The following ZMYND11 variants were observed in gnomAD, a reference collection of about 807,000 sequenced individuals.
The protein encoded by ZMYND11 is zinc finger MYND domain-containing protein 11.
ZMYND11 carries 9 observed loss-of-function variants against 84.9 expected under a neutral mutation model. The ratio of observed to expected loss-of-function variants is 0.11; its 90% CI spans 0.06 to 0.18. The LOEUF (loss-of-function observed/expected upper bound fraction) is 0.18, where lower values mean the gene tolerates loss of function less well. Ranked by LOEUF, ZMYND11 falls within the 10% of genes least tolerant of loss-of-function variation. The pLI is 1.00. For missense variants in ZMYND11, 409 were observed against 761.0 expected (o/e 0.54, Z 5.44); for synonymous variants, 250 against 244.1 (o/e 1.02, Z -0.23).
At chr10:178,826 T>TCAAAA (rs1422005961) in intron 1 of ZMYND11, among the ~76,000 whole-genome samples, 1 of 152,198 alleles carries the variant, frequency 6.6e-6, no homozygotes, top group Non-Finnish European at 1.5e-5. Flanking sequence ...GACCCAGTTT[T>TCAAAA]CTCAGGTTTT....
intron 2 of ZMYND11, among the ~76,000 whole-genome samples, chr10:181,177 T>G (rs1375315160): frequency 6.6e-6 from 1 of 152,258 alleles, no homozygotes; most frequent in Non-Finnish European, 1.5e-5. Flanking sequence ...CTTTTCACAT[T>G]CTTTAGATGC....
At chr10:240,210 T>G (rs1288956446) in intron 8 of ZMYND11, 99 bp downstream of exon 8, 2 of 1,105,984 alleles carry the variant, frequency 1.8e-6, no homozygotes, top group African/African-American at 3.2e-5. Flanking sequence ...CCATTTCCTT[T>G]AAATGTCTTT....
intron 3 of ZMYND11, among the ~76,000 whole-genome samples, chr10:212,257 A>C (rs1024878472): frequency 1.4e-4 from 21 of 152,042 alleles, no homozygotes; most frequent in African/African-American, 5.1e-4. Flanking sequence ...CCTATGTTCT[A>C]ATTTTTATTT....
chr10:166,662 C>T (rs982340897), intron 1 of ZMYND11, among the ~76,000 whole-genome samples: 119 of 151,980 alleles, frequency 7.8e-4, no homozygotes, highest in Non-Finnish European at 1.9e-4. Context: ...AATGGTGCAG[C>T]TGCTTATGAA....
At chr10:130,363 C>T (rs1398891619), upstream of ZMYND11, among the ~76,000 whole-genome samples, 2 of 152,076 alleles carry the variant, frequency 1.3e-5, no homozygotes, top group African/African-American at 2.4e-5. Flanking sequence ...TAGGTGTCTT[C>T]GCTTTGTTGT....
At chr10:171,211 C>T (rs1311621380) in intron 1 of ZMYND11, among the ~76,000 whole-genome samples, 1 of 152,012 alleles carries the variant, frequency 6.6e-6, no homozygotes, top group Non-Finnish European at 1.5e-5. Context: ...ATAAATGAAT[C>T]CACTACTATA....
chr10:239,114 G>T (rs554769213), intron 6 of ZMYND11, among the ~76,000 whole-genome samples: 14 of 152,278 alleles, frequency 9.2e-5, no homozygotes, highest in African/African-American at 3.1e-4. Flanking sequence ...ACTGGCCCAA[G>T]CATTCGTGCA....
chr10:247,016 T>G, intron 11 of ZMYND11, 43 bp downstream of exon 11: 1 of 1,527,666 alleles, frequency 6.5e-7, no homozygotes. Flanking sequence ...ATTATTACTT[T>G]TAAATGCAGA....
At chr10:247,589 G>A (rs1235447210) in intron 12 of ZMYND11, 123 bp downstream of exon 12, 2 of 1,040,696 alleles carry the variant, frequency 1.9e-6, no homozygotes, top group Non-Finnish European at 1.4e-6. Context: ...AAATTCAGCT[G>A]CTGTCAGTCA....
At chr10:196,590 A>G (rs898122254) in intron 2 of ZMYND11, among the ~76,000 whole-genome samples, 1 of 152,186 alleles carries the variant, frequency 6.6e-6, no homozygotes, top group Non-Finnish European at 1.5e-5. Flanking sequence ...AATCGTTGAA[A>G]TTTTGTCTTA....
At chr10:139,577 G>C (rs1474187373) in intron 1 of ZMYND11, among the ~76,000 whole-genome samples, 3 of 151,960 alleles carry the variant, frequency 2.0e-5, no homozygotes, top group Admixed American at 1.3e-4. Flanking sequence ...ATGTTTAGTA[G>C]CTACAATTTT....
chr10:177,777 AT>A (rs1318987542), intron 1 of ZMYND11, among the ~76,000 whole-genome samples: 2 of 152,156 alleles, frequency 1.3e-5, no homozygotes, highest in Non-Finnish European at 2.9e-5. Context: ...TATATGTATT[AT>A]TCTTCAGTGT....
intron 4 of ZMYND11, among the ~76,000 whole-genome samples, chr10:222,762 G>C (rs1240350234): frequency 6.6e-6 from 1 of 151,654 alleles, no homozygotes; most frequent in Non-Finnish European, 1.5e-5. Context: ...ATGGATGCAG[G>C]AATTAGGAAA....
chr10:247,598 C>A, intron 12 of ZMYND11, 132 bp downstream of exon 12: 1 of 940,412 alleles, frequency 1.1e-6, no homozygotes, highest in Non-Finnish European at 1.6e-6. Flanking sequence ...TGCTGTCAGT[C>A]AAATCATATC....
At chr10:141,319 G>A (rs957183574) in intron 1 of ZMYND11, among the ~76,000 whole-genome samples, 4 of 152,090 alleles carry the variant, frequency 2.6e-5, no homozygotes, top group Admixed American at 1.3e-4. Context: ...ATGCCGAGGC[G>A]AGCAAGATGA....
chr10:130,540 G>A (rs186992052), upstream of ZMYND11, among the ~76,000 whole-genome samples: 18 of 152,250 alleles, frequency 1.2e-4, no homozygotes, highest in Admixed American at 2.6e-4. Context: ...AATTTTACAT[G>A]CATTTTCTCA....
intron 1 of ZMYND11, among the ~76,000 whole-genome samples, chr10:171,472 C>T (rs1289789690): frequency 6.6e-6 from 1 of 152,004 alleles, no homozygotes; most frequent in East Asian, 1.9e-4. Context: ...GCTGTCAGAC[C>T]ACAGTGGAAT....
intron 1 of ZMYND11, among the ~76,000 whole-genome samples, chr10:147,528 T>G (rs1839188294): frequency 1.3e-5 from 2 of 151,870 alleles, no homozygotes; most frequent in African/African-American, 4.8e-5. Context: ...TTTAAATTTT[T>G]TTTTTTGGAA....
intron 1 of ZMYND11, among the ~76,000 whole-genome samples, chr10:175,362 G>C (rs1038405475): frequency 6.6e-6 from 1 of 152,208 alleles, no homozygotes; most frequent in Non-Finnish European, 1.5e-5. Flanking sequence ...GAGGTCAGGA[G>C]TTCAAGACCA....
Sources: gnomAD v4.1 joint callset for allele counts (sites outside exome capture counted in the v4.1 genomes callset) on GRCh38, gnomAD v4.1.1 for gene constraint, MANE v1.5 for transcripts, NCBI Gene and HGNC (gene_info 2026-07-23, HGNC 2026-07-21) for gene names.